BRINP1: variants seen among roughly 807,000 people sequenced by gnomAD.
BRINP1 encodes the protein BMP/retinoic acid inducible neural specific 1.
BRINP1 carries 17 observed loss-of-function variants against 72.9 expected under a neutral mutation model. The observed-to-expected ratio is 0.23, with a 90% CI of 0.16 to 0.35. The LOEUF (loss-of-function observed/expected upper bound fraction) is 0.35. Among genes scored for constraint, BRINP1 ranks in the 10% least tolerant of loss-of-function variants. The pLI is 1.00. For synonymous variants in BRINP1, 418 were observed against 378.5 expected (o/e 1.10, Z -1.21); for missense variants, 850 against 1,001.6 (o/e 0.85, Z 2.04).
At chr9:119,185,700 G>A (rs189187341) in intron 7 of BRINP1, among the ~76,000 whole-genome samples, 35 of 152,248 alleles carry the variant, frequency 2.3e-4, no homozygotes, top group Admixed American at 6.5e-4. Flanking sequence ...TCCTCTCCCC[G>A]GTCAGGATTA....
At chr9:119,267,925 C>T (rs922050027) in intron 2 of BRINP1, among the ~76,000 whole-genome samples, 7 of 151,958 alleles carry the variant, frequency 4.6e-5, no homozygotes, top group South Asian at 2.1e-4. Flanking sequence ...CAAAGATGAA[C>T]GAGAGAGAAA....
At chr9:119,295,712 TAG>T (rs1028149660) in intron 2 of BRINP1, among the ~76,000 whole-genome samples, 2 of 152,100 alleles carry the variant, frequency 1.3e-5, no homozygotes, top group African/African-American at 4.8e-5. Flanking sequence ...TTGAACAGAA[TAG>T]AGAGACCAGA....
chr9:119,317,998 A>T (rs1271317922), intron 1 of BRINP1, among the ~76,000 whole-genome samples: 1 of 152,248 alleles, frequency 6.6e-6, no homozygotes, highest in Non-Finnish European at 1.5e-5. Flanking sequence ...GGGGTGATTC[A>T]ATTTATTGCA....
chr9:119,283,824 C>T (rs151328753), intron 2 of BRINP1, among the ~76,000 whole-genome samples: 141 of 152,278 alleles, frequency 9.3e-4, no homozygotes, highest in African/African-American at 3.3e-3. Context: ...TAAGCCACTG[C>T]GCCTGGCCTC....
In BRINP1 at chr9:119,333,263, C is replaced by A. The variant is rs370370845; in HGVS notation, c.-50-19858G>T. On this transcript the variant is annotated intron_variant, in intron 1 of 7. Transcript: ENST00000265922. ...ATTTTCTGAGCTCAGGAATTTGAGA[C>A]CAGCCTGGGCAACATGGCAAAACCC... is the stretch of plus-strand genomic sequence containing the variant. Among the ~76,000 whole-genome samples, 5 of 151,704 alleles carry A rather than the reference C, an allele frequency of 3.3e-5. No individual in the cohort carries two copies. The South Asian group carries it at 8.4e-4, about 25-fold the overall frequency.
intron 7 of BRINP1, 44 bp downstream of exon 7, chr9:119,208,675 G>A (rs1164480901): frequency 7.6e-6 from 12 of 1,568,976 alleles, no homozygotes; most frequent in Admixed American, 3.3e-5. Flanking sequence ...TGTAGCTAAC[G>A]CCAGGTAGGT....
intron 3 of BRINP1, among the ~76,000 whole-genome samples, chr9:119,244,323 A>T (rs1203442785): frequency 6.6e-6 from 1 of 152,206 alleles, no homozygotes; most frequent in Non-Finnish European, 1.5e-5. Flanking sequence ...CTTAAAACTG[A>T]TGCTATATCC....
Position 119,242,036 on chromosome 9 carries a change from C to A in BRINP1, c.579+11G>T. On this transcript the variant is annotated intron_variant, in intron 4 of 7. Transcript: ENST00000265922. ...GAGAACCTGTCGCCCAAATCCACCC[C>A]GGAGCTGTACCTTGATTGCTCCAGT... 1 of 1,612,184 alleles carries A rather than the reference C, an allele frequency of 6.2e-7. No individual in the cohort carries two copies. The highest frequency in any genetic ancestry group is 8.5e-7 in the Non-Finnish European group (1 of 1,179,274).
intron 2 of BRINP1, 42 bp from the exon 3 acceptor site, chr9:119,249,192 T>C (rs2118921156): frequency 6.3e-7 from 1 of 1,579,624 alleles, no homozygotes; most frequent in Non-Finnish European, 8.6e-7. Flanking sequence ...CTTACCACCA[T>C]TACCCTTAAG....
At chr9:119,367,242 A>ATATC (rs1185435492) in intron 1 of BRINP1, among the ~76,000 whole-genome samples, 2 of 141,874 alleles carry the variant, frequency 1.4e-5, no homozygotes, top group Admixed American at 7.2e-5. Flanking sequence ...ATATATATAT[A>ATATC]TCTTCCTAGA....
chr9:119,335,079 C>T (rs745354576), intron 1 of BRINP1, among the ~76,000 whole-genome samples: 2 of 152,096 alleles, frequency 1.3e-5, no homozygotes, highest in South Asian at 2.1e-4. Flanking sequence ...CCGACTGAGA[C>T]GGACACAAAC....
At chr9:119,178,363 C>G (rs1829512631) in intron 7 of BRINP1, among the ~76,000 whole-genome samples, 1 of 152,182 alleles carries the variant, frequency 6.6e-6, no homozygotes, top group Admixed American at 6.5e-5. Flanking sequence ...GGTCAACAAA[C>G]TTTCTTTTGC....
intron 7 of BRINP1, among the ~76,000 whole-genome samples, chr9:119,191,426 T>C (rs1044753541): frequency 1.3e-5 from 2 of 151,838 alleles, no homozygotes; most frequent in African/African-American, 4.8e-5. Context: ...AATAAATGCA[T>C]TAAATAAAGT....
rs751904183 is a variant in BRINP1 at position 119,168,144 on chromosome 9, C to T, written c.1226G>A (p.Ser409Asn). The change falls in exon 8 of 8, where the codon AGC (serine) becomes AAC (asparagine). Residue 409 changes from serine (S) to asparagine (N), a missense_variant. By Grantham distance (46) the Ser-to-Asn change is conservative. Transcript: ENST00000265922. Reference sequence around the variant, plus strand: ...GCCGTGGCACACGCAGCTCCGCTGGCTCTCCAGGAAGGTTCCCCAAAACCC... The same window carrying T: ...GCCGTGGCACACGCAGCTCCGCTGGTTCTCCAGGAAGGTTCCCCAAAACCC... ...ENGFWGTFLE[S>N]QRSCVCHGST... 2 of 1,597,670 alleles carry T rather than the reference C, an allele frequency of 1.3e-6. No homozygotes were observed. Among genetic ancestry groups the T allele is most frequent in the South Asian group, 2.3e-5 (2 of 88,674 alleles).
intron 2 of BRINP1, among the ~76,000 whole-genome samples, chr9:119,249,848 AAGGAAGGGAGGG>A (rs1310998141): frequency 3.3e-4 from 24 of 73,062 alleles, no homozygotes; most frequent in Non-Finnish European, 4.5e-4. Context: ...GGAAGGAAGG[AAGGAAGGGAGGG>A]AGGGAGGGAG....
intron 1 of BRINP1, among the ~76,000 whole-genome samples, chr9:119,365,685 C>T (rs1268349872): frequency 5.9e-5 from 9 of 152,106 alleles, no homozygotes; most frequent in Non-Finnish European, 1.0e-4. Flanking sequence ...ATGTTGAATT[C>T]GAACCTATCA....
At chr9:119,224,993 T>A (rs1830075576) in intron 5 of BRINP1, among the ~76,000 whole-genome samples, 2 of 152,070 alleles carry the variant, frequency 1.3e-5, no homozygotes, top group South Asian at 2.1e-4. Flanking sequence ...AATCTTTTTT[T>A]AATTTAATTA....
intron 5 of BRINP1, among the ~76,000 whole-genome samples, chr9:119,234,530 C>A (rs771473010): frequency 3.3e-5 from 5 of 151,976 alleles, no homozygotes; most frequent in Non-Finnish European, 4.4e-5. Context: ...TATAAGTGTT[C>A]TTTGTCAGGC....
At chr9:119,268,285 T>TAGATAGATAGATAGGTAGAC (rs1830573829) in intron 2 of BRINP1, among the ~76,000 whole-genome samples, 1 of 148,502 alleles carries the variant, frequency 6.7e-6, no homozygotes, top group South Asian at 2.2e-4. Flanking sequence ...GATAGATAGA[T>TAGATAGATAGATAGGTAGAC]AGATAGATAG....
Sources: allele counts gnomAD v4.1 joint callset (sites outside exome capture counted in the v4.1 genomes callset), GRCh38; gene constraint gnomAD v4.1.1; transcripts MANE v1.5; gene names NCBI Gene and HGNC (gene_info 2026-07-23, HGNC 2026-07-21).